DCC: variants seen among roughly 807,000 people sequenced by gnomAD.
The protein encoded by DCC is netrin receptor DCC.
A neutral mutation model predicts 172.5 loss-of-function variants in DCC; 58 were observed. The ratio of observed to expected loss-of-function variants is 0.34; its 90% CI spans 0.27 to 0.42. DCC has a LOEUF of 0.42. Ranked by LOEUF, DCC falls within the 10% of genes least tolerant of loss-of-function variation. The pLI is 1.00. For missense variants in DCC, 1,740 were observed against 1,791.0 expected (o/e 0.97, Z 0.51); for synonymous variants, 709 against 644.5 (o/e 1.10, Z -1.52).
rs745756391 is a variant in DCC at position 53,402,817 on chromosome 18, C to T, written c.2859C>T (p.Val953=). Reference sequence around the variant, plus strand: ...CCTCTGCTCCCAAGGACTTGACAGTCATTACTAGGGAAGGGAAGCCTCGTG... The same window carrying T: ...CCTCTGCTCCCAAGGACTTGACAGTTATTACTAGGGAAGGGAAGCCTCGTG... ...APTSAPKDLT[V]ITREGKPRAV... is the part of the protein sequence containing the mutation. The change falls in exon 19 of 29, where the codon GTC becomes GTT. Residue 953 remains valine, a synonymous_variant. Transcript: ENST00000442544. The T allele has an allele frequency of 1.2e-6, 2 of 1,614,102 alleles. No homozygotes were observed. The highest frequency in any genetic ancestry group is 2.2e-5 in the East Asian group (1 of 44,878).
intron 1 of DCC, among the ~76,000 whole-genome samples, chr18:52,549,245 C>T (rs2032697469): frequency 6.6e-6 from 1 of 152,008 alleles, no homozygotes; most frequent in African/African-American, 2.4e-5. Context: ...CATTTAGCAT[C>T]TCATTCCTGA....
intron 1 of DCC, among the ~76,000 whole-genome samples, chr18:52,692,551 C>T (rs1355014678): frequency 2.6e-5 from 4 of 152,102 alleles, no homozygotes; most frequent in Non-Finnish European, 5.9e-5. Context: ...TGATTCTTAG[C>T]TTCCCAAGTA....
intron 2 of DCC, among the ~76,000 whole-genome samples, chr18:52,894,291 G>A (rs1266772982): frequency 3.3e-5 from 5 of 151,740 alleles, no homozygotes; most frequent in Non-Finnish European, 7.4e-5. Context: ...AAAGAAACTG[G>A]TACTGTTCAT....
At chr18:53,088,874 TA>T (rs1338558347) in intron 7 of DCC, among the ~76,000 whole-genome samples, 1 of 152,182 alleles carries the variant, frequency 6.6e-6, no homozygotes, top group Non-Finnish European at 1.5e-5. Context: ...TTGTGAATAT[TA>T]AAAAAGATTA....
intron 2 of DCC, among the ~76,000 whole-genome samples, chr18:52,872,989 A>C (rs1340992383): frequency 6.6e-6 from 1 of 152,236 alleles, no homozygotes; most frequent in African/African-American, 2.4e-5. Context: ...AAAATATTTA[A>C]ATTATCCCAG....
chr18:52,825,201 C>T (rs963705564), intron 2 of DCC, among the ~76,000 whole-genome samples: 3 of 152,140 alleles, frequency 2.0e-5, no homozygotes, highest in East Asian at 3.9e-4. Flanking sequence ...GCTAACCATC[C>T]TATGATCCAA....
chr18:52,865,584 A>G (rs1281809309), intron 2 of DCC, among the ~76,000 whole-genome samples: 2 of 149,670 alleles, frequency 1.3e-5, no homozygotes, highest in Non-Finnish European at 3.0e-5. Flanking sequence ...ATTTATTAGT[A>G]TTTCTCTAAT....
At chr18:53,289,922 T>A (rs2144746829) in intron 12 of DCC, among the ~76,000 whole-genome samples, 2 of 152,314 alleles carry the variant, frequency 1.3e-5, no homozygotes, top group South Asian at 4.1e-4. Flanking sequence ...AAAATGGGAA[T>A]GGATTTTAGA....
At chr18:52,624,635 G>A (rs1598965711) in intron 1 of DCC, among the ~76,000 whole-genome samples, 1 of 152,200 alleles carries the variant, frequency 6.6e-6, no homozygotes, top group African/African-American at 2.4e-5. Context: ...GAGTATCACA[G>A]AATATTAGAG....
intron 1 of DCC, among the ~76,000 whole-genome samples, chr18:52,388,454 T>C (rs1400338293): frequency 6.6e-6 from 1 of 152,130 alleles, no homozygotes; most frequent in African/African-American, 2.4e-5. Flanking sequence ...ATTACTGTTT[T>C]CTGGTTGCAA....
intron 12 of DCC, among the ~76,000 whole-genome samples, chr18:53,239,946 A>T (rs1208514557): frequency 6.6e-6 from 1 of 151,086 alleles, no homozygotes; most frequent in East Asian, 2.0e-4. Context: ...AACGAAGGCA[A>T]TGCTTTTTAT....
chr18:52,592,242 A>C (rs944803249), intron 1 of DCC, among the ~76,000 whole-genome samples: 2 of 152,244 alleles, frequency 1.3e-5, no homozygotes, highest in Non-Finnish European at 2.9e-5. Flanking sequence ...AAAAATAGCC[A>C]GATCAACACT....
intron 5 of DCC, among the ~76,000 whole-genome samples, chr18:52,995,535 T>A (rs1179609416): frequency 6.6e-6 from 1 of 151,968 alleles, no homozygotes; most frequent in Non-Finnish European, 1.5e-5. Flanking sequence ...GGTTAATATT[T>A]CTTCCATTTT....
At position 52,534,856 on chromosome 18, in the gene DCC, G is replaced by T. The variant is rs2032246314; in HGVS notation, c.91+193978G>T. Among the ~76,000 whole-genome samples the T allele has an allele frequency of 2.0e-5, 3 of 152,134 alleles. No individual in the cohort carries two copies. The South Asian group carries it at 6.2e-4, about 32-fold the overall frequency. ...ATGCATCCTATTATTTAACTTTACA[G>T]GGAAAGAATCCAATAGCCAACCTAC... On this transcript the variant is annotated intron_variant, in intron 1 of 28. Transcript: ENST00000442544.
intron 1 of DCC, among the ~76,000 whole-genome samples, chr18:52,529,427 A>T (rs1425068088): frequency 6.6e-6 from 1 of 152,148 alleles, no homozygotes; most frequent in Non-Finnish European, 1.5e-5. Context: ...AGTAGCTGGG[A>T]CTACAGGCGC....
At chr18:52,642,029 T>TGGTAAAA (rs1238261094) in intron 1 of DCC, among the ~76,000 whole-genome samples, 2 of 9,298 alleles carry the variant, frequency 2.2e-4, no homozygotes, top group Non-Finnish European at 1.8e-3. Flanking sequence ...TATATATATA[T>TGGTAAAA]ATATATATAT....
intron 5 of DCC, among the ~76,000 whole-genome samples, chr18:52,972,270 AT>A (rs1352721843): frequency 6.6e-6 from 1 of 152,200 alleles, no homozygotes; most frequent in Non-Finnish European, 1.5e-5. Flanking sequence ...TTGAGTTATT[AT>A]TTTAAAATAT....
At chr18:53,440,286 C>G (rs1191031478) in intron 22 of DCC, among the ~76,000 whole-genome samples, 1 of 152,138 alleles carries the variant, frequency 6.6e-6, no homozygotes, top group African/African-American at 2.4e-5. Flanking sequence ...ATCAGTGTAA[C>G]AAGTTTGATT....
intron 5 of DCC, among the ~76,000 whole-genome samples, chr18:52,942,591 A>G (rs1404414586): frequency 1.3e-5 from 2 of 152,220 alleles, no homozygotes; most frequent in Non-Finnish European, 2.9e-5. Flanking sequence ...CACTTCTTAC[A>G]TGGCAGTGGC....
Sources: gnomAD v4.1 joint callset for allele counts (sites outside exome capture counted in the v4.1 genomes callset) on GRCh38, gnomAD v4.1.1 for gene constraint, MANE v1.5 for transcripts, NCBI Gene and HGNC (gene_info 2026-07-23, HGNC 2026-07-21) for gene names.